Variants in CIT observed in about 807,000 individuals in gnomAD.
CIT encodes the protein citron rho-interacting serine/threonine kinase, also known as citron Rho-interacting kinase.
A neutral mutation model predicts 272.7 loss-of-function variants in CIT; 79 were observed. The observed-to-expected ratio is 0.29, with a 90% CI of 0.24 to 0.35. The LOEUF (loss-of-function observed/expected upper bound fraction) is 0.35, where lower values mean the gene tolerates loss of function less well. Ranked by LOEUF, CIT falls within the 10% of genes least tolerant of loss-of-function variation. CIT has a pLI of 1.00. For synonymous variants in CIT, 948 were observed against 995.6 expected, an observed-to-expected ratio of 0.95 and a Z score of 0.90; for missense variants, 1,909 against 2,618.3, an observed-to-expected ratio of 0.73 and a Z score of 5.91.
rs79318444 is a variant in CIT at position 119,702,413 on chromosome 12, C to A, written c.5305-455G>T. Among the ~76,000 whole-genome samples the A allele has an allele frequency of 4.4e-4, 67 of 152,242 alleles. 1 individual carries two copies. The East Asian group carries it at 0.012, about 27-fold the overall frequency. On this transcript the variant is annotated intron_variant, in intron 41 of 47. Transcript: ENST00000392521. ...CAGAAACACCATTCCAGGCTGGGCG[C>A]AGTAGCTTACATCTGTAATCCCAGC... is the stretch of plus-strand genomic sequence containing the variant.
chr12:119,787,448 T>C (rs1340166819), intron 10 of CIT, among the ~76,000 whole-genome samples: 2 of 147,606 alleles, frequency 1.4e-5, no homozygotes, highest in Non-Finnish European at 3.0e-5. Flanking sequence ...AAAAAACAAA[T>C]AGGCCGGGCG....
At chr12:119,730,366 T>G (rs1958370674) in intron 27 of CIT, 129 bp downstream of exon 27, 2 of 1,112,342 alleles carry the variant, frequency 1.8e-6, no homozygotes, top group Non-Finnish European at 2.4e-6. Context: ...ATGGGACATT[T>G]TTGGAGTGCA....
chr12:119,710,242 G>A lies in CIT; in HGVS notation c.5071+9C>T, dbSNP rs554777412. On this transcript the variant is annotated intron_variant, in intron 39 of 47. Transcript: ENST00000392521. This position sits in a 1 kb window ranked among gnomAD's most constrained non-coding sequence, Gnocchi z 5.6. ...GTAAAGAAAAAACACCATGTCCTTG[G>A]CCTCACACCTGCTATCATGAGTAGC... 2.5e-6 allele frequency: 4 copies of A among 1,612,572 alleles called. No individual in the cohort carries two copies. Among genetic ancestry groups the A allele is most frequent in the Non-Finnish European group, 3.4e-6 (4 of 1,179,664 alleles).
At chr12:119,751,681 A>G (rs936424211) in intron 23 of CIT, among the ~76,000 whole-genome samples, 7 of 152,000 alleles carry the variant, frequency 4.6e-5, no homozygotes, top group African/African-American at 1.7e-4. Flanking sequence ...AACTACTATA[A>G]GATTATTATT....
intron 9 of CIT, among the ~76,000 whole-genome samples, chr12:119,816,880 G>A (rs1967234770): frequency 6.6e-6 from 1 of 152,212 alleles, no homozygotes; most frequent in African/African-American, 2.4e-5. Context: ...TGCAGGGGGA[G>A]GGTGCTACTG....
intron 16 of CIT, among the ~76,000 whole-genome samples, chr12:119,774,286 G>GTT (rs961325069): frequency 1.3e-4 from 19 of 146,844 alleles, no homozygotes; most frequent in African/African-American, 4.2e-4. Flanking sequence ...ATGTTATGTG[G>GTT]TTTTTTTTTT....
intron 7 of CIT, among the ~76,000 whole-genome samples, chr12:119,829,593 G>T (rs1407832898): frequency 6.6e-6 from 1 of 152,146 alleles, no homozygotes; most frequent in Non-Finnish European, 1.5e-5. Flanking sequence ...GCCAAATGGG[G>T]TTGATTATCA....
rs1964633806 is a variant in CIT, at chr12:119,784,890, C to A, written c.1401+70G>T. 13 of 1,576,954 alleles carry A rather than the reference C, an allele frequency of 8.2e-6. No individual in the cohort carries two copies. The highest frequency in any genetic ancestry group is 1.3e-5 in the African/African-American group (1 of 74,430). On this transcript the variant is annotated intron_variant, in intron 11 of 47. Coordinates refer to ENST00000392521, the MANE Select transcript of CIT (RefSeq NM_001206999.2). The surrounding 1 kb of genome is among the most constrained non-coding windows in gnomAD (Gnocchi z 4.7). ...GCTCAGAGCCAGCAGCGGCCCCGGG[C>A]GGATCCCTTGGCATATACGGACGGG...
At chr12:119,699,727 T>C (rs1956440946) in intron 44 of CIT, 2 of 447,766 alleles carry the variant, frequency 4.5e-6, no homozygotes, top group Admixed American at 4.7e-5. Context: ...CCAGTGGCCC[T>C]GCTGATACCA....
Position 119,782,499 on chromosome 12 carries a change from C to T in CIT, c.1665+19G>A. The T allele has an allele frequency of 6.2e-7, 1 of 1,612,844 alleles. No homozygotes were observed. The highest frequency in any genetic ancestry group is 8.5e-7 in the Non-Finnish European group (1 of 1,179,576). Reference sequence around the variant, plus strand: ...AAGCAAGCCGAGATGCTGCTGTGCTCCCAGGCAAGCAGGCCTACCTGCTCT... The same window carrying T: ...AAGCAAGCCGAGATGCTGCTGTGCTTCCAGGCAAGCAGGCCTACCTGCTCT... On this transcript the variant is annotated intron_variant, in intron 13 of 47. Coordinates refer to ENST00000392521, the MANE Select transcript of CIT (RefSeq NM_001206999.2).
intron 40 of CIT, among the ~76,000 whole-genome samples, chr12:119,707,222 T>C (rs1391470657): frequency 3.3e-5 from 5 of 152,224 alleles, no homozygotes; most frequent in Admixed American, 2.6e-4. Flanking sequence ...TTTTAAATTA[T>C]GGATCATCCT....
intron 29 of CIT, 21 bp downstream of exon 29, chr12:119,721,288 A>G: frequency 1.9e-6 from 3 of 1,582,586 alleles, no homozygotes; most frequent in Non-Finnish European, 2.6e-6. Flanking sequence ...TTTTAAGCAG[A>G]TTCCCTCTGC....
intron 7 of CIT, among the ~76,000 whole-genome samples, chr12:119,826,025 G>A (rs781409647): frequency 5.3e-5 from 8 of 152,130 alleles, no homozygotes; most frequent in South Asian, 2.1e-4. Context: ...CCAAGATTGC[G>A]CCATTACACT....
At chr12:119,822,772 T>G (rs1350091218) in intron 9 of CIT, 48 bp downstream of exon 9, 3 of 1,591,562 alleles carry the variant, frequency 1.9e-6, no homozygotes. Flanking sequence ...CTCTCTTGAG[T>G]GTTTCATAAT....
chr12:119,817,832 T>C (rs1967338893), intron 9 of CIT, among the ~76,000 whole-genome samples: 1 of 151,872 alleles, frequency 6.6e-6, no homozygotes, highest in Non-Finnish European at 1.5e-5. Flanking sequence ...CCCATCACTT[T>C]GGGAGGCAGA....
Position 119,688,198 on chromosome 12 carries a change from A to C in CIT, c.*34T>G, listed in dbSNP as rs369043146. 3.1e-5 allele frequency: 50 copies of C among 1,606,940 alleles called. No individual in the cohort carries two copies. In the African/African-American group the frequency reaches 6.4e-4, roughly 21 times the overall value. Reference sequence around the variant, plus strand: ...TAGTGTGTTTGGTGTTTTCCTGCAGATCAAGATGAGGAGTTGGTTTTTCTG... The same window carrying C: ...TAGTGTGTTTGGTGTTTTCCTGCAGCTCAAGATGAGGAGTTGGTTTTTCTG... On this transcript the variant is annotated 3_prime_UTR_variant, in exon 48 of 48. Coordinates refer to ENST00000392521, the MANE Select transcript of CIT (RefSeq NM_001206999.2).
intron 16 of CIT, among the ~76,000 whole-genome samples, chr12:119,774,210 C>T (rs1167691509): frequency 6.6e-6 from 1 of 151,892 alleles, no homozygotes; most frequent in Non-Finnish European, 1.5e-5. Flanking sequence ...GATTCATTGC[C>T]CAGTAATGGG....
chr12:119,738,539 G>C (rs564310576), intron 24 of CIT, among the ~76,000 whole-genome samples: 2 of 152,194 alleles, frequency 1.3e-5, no homozygotes, highest in South Asian at 4.1e-4. Flanking sequence ...CTTATATGCT[G>C]TTTTTACAGA....
intron 6 of CIT, 118 bp downstream of exon 6, chr12:119,833,968 A>C: frequency 9.1e-7 from 1 of 1,100,884 alleles, no homozygotes; most frequent in South Asian, 1.7e-5. Context: ...GACTGGCTAA[A>C]AACTGGATGG....
Sources: gnomAD v4.1 joint callset for allele counts (sites outside exome capture counted in the v4.1 genomes callset) on GRCh38, gnomAD v4.1.1 for gene constraint, Gnocchi (gnomAD v3.1) non-coding constraint, MANE v1.5 for transcripts, NCBI Gene and HGNC (gene_info 2026-07-23, HGNC 2026-07-21) for gene names.